FRMD6: variants seen among roughly 807,000 people sequenced by gnomAD.
FRMD6 encodes FERM domain-containing protein 6.
Under a neutral mutation model 73.2 loss-of-function variants are expected in FRMD6, and 37 were observed. That is an observed-to-expected ratio of 0.51 (90% CI 0.39 to 0.66). The LOEUF is 0.66. Among genes scored for constraint, FRMD6 ranks in the 30% least tolerant of loss-of-function variants. FRMD6 has a pLI of 0.00. For synonymous variants in FRMD6, 273 were observed against 282.2 expected, an observed-to-expected ratio of 0.97 and a Z score of 0.33; for missense variants, 714 against 780.5, an observed-to-expected ratio of 0.91 and a Z score of 1.02.
chr14:51,647,074 C>G (rs1362798497), upstream of FRMD6, among the ~76,000 whole-genome samples: 1 of 152,022 alleles, frequency 6.6e-6, no homozygotes, highest in Non-Finnish European at 1.5e-5. Flanking sequence ...AGAATGGAAA[C>G]AAAGTAGTTC....
chr14:51,673,784 T>C (rs1488536046), intron 1 of FRMD6, among the ~76,000 whole-genome samples: 1 of 152,224 alleles, frequency 6.6e-6, no homozygotes, highest in South Asian at 2.1e-4. Flanking sequence ...TTTATACTCA[T>C]TCTGAGAAAT....
At chr14:51,532,088 G>A (rs373906025) in intron 1 of FRMD6, among the ~76,000 whole-genome samples, 12 of 152,254 alleles carry the variant, frequency 7.9e-5, no homozygotes, top group African/African-American at 2.9e-4. Context: ...AATTATTGGG[G>A]CCAGGCGTGG....
intron 2 of FRMD6, among the ~76,000 whole-genome samples, chr14:51,578,568 T>A (rs1178849822): frequency 2.0e-5 from 3 of 152,168 alleles, no homozygotes; most frequent in African/African-American, 7.2e-5. Flanking sequence ...CTGAAAACAC[T>A]TGAGTATTGA....
At position 51,729,576 on chromosome 14, in the gene FRMD6, A is replaced by G. The variant is rs1019002748; in HGVS notation, c.*1547A>G. The G allele has an allele frequency of 1.3e-5, 2 of 152,492 alleles. No individual in the cohort carries two copies. The highest frequency in any genetic ancestry group is 1.3e-4 in the Admixed American group (2 of 15,276). 9.4% of individuals were successfully genotyped at this position (152,492 alleles called of 1,614,324 possible). A position where few individuals can be genotyped will look rare whatever the true frequency, so the allele number is the denominator to read the frequency against. ...ATATTTTGATATACCATTTTTTTCT[A>G]TCTGCCCAGTTTTATTAAAAAAACT... On this transcript the variant is annotated 3_prime_UTR_variant, in exon 14 of 14. Coordinates refer to ENST00000344768, the MANE Select transcript of FRMD6 (RefSeq NM_001267046.2).
At chr14:51,698,313 G>T (rs1300335818) in intron 3 of FRMD6, 81 bp downstream of exon 3, 4 of 879,694 alleles carry the variant, frequency 4.5e-6, no homozygotes, top group African/African-American at 1.7e-5. Context: ...CTTAAATTGG[G>T]CCTATTGTTA....
intron 1 of FRMD6, among the ~76,000 whole-genome samples, chr14:51,687,894 C>G (rs1895279006): frequency 1.3e-5 from 2 of 152,230 alleles, no homozygotes; most frequent in East Asian, 3.9e-4. Context: ...TTATATTCAA[C>G]CCTCTGCTCA....
At chr14:51,711,504 A>AT (rs780290400) in intron 7 of FRMD6, 27 bp from the exon 8 acceptor site, 22 of 1,483,548 alleles carry the variant, frequency 1.5e-5, no homozygotes, top group African/African-American at 1.1e-4. Flanking sequence ...AAAACATTTA[A>AT]TTTTTTATAA....
At chr14:51,708,057 A>G in intron 6 of FRMD6, 21 bp from the exon 7 acceptor site, 1 of 1,611,624 alleles carries the variant, frequency 6.2e-7, no homozygotes, top group South Asian at 1.1e-5. Context: ...GTTGCATTGC[A>G]CACCCCTTGT....
At chr14:51,668,514 C>T (rs1388759970) in intron 1 of FRMD6, among the ~76,000 whole-genome samples, 1 of 151,920 alleles carries the variant, frequency 6.6e-6, no homozygotes, top group Non-Finnish European at 1.5e-5. Context: ...TCATGATGGC[C>T]GGGCTGGTCT....
intron 11 of FRMD6, among the ~76,000 whole-genome samples, chr14:51,721,233 G>A (rs1897543646): frequency 6.6e-6 from 1 of 152,144 alleles, no homozygotes; most frequent in Non-Finnish European, 1.5e-5. Context: ...CAGCAAGGTG[G>A]TATAGTTTTT....
intron 2 of FRMD6, among the ~76,000 whole-genome samples, chr14:51,694,792 T>G (rs567314658): frequency 3.1e-4 from 47 of 152,318 alleles, no homozygotes; most frequent in African/African-American, 1.1e-3. Context: ...TTCCCATTGC[T>G]CCTGAAGATT....
intron 1 of FRMD6, among the ~76,000 whole-genome samples, chr14:51,529,476 G>C (rs2140325414): frequency 6.6e-6 from 1 of 152,298 alleles, no homozygotes; most frequent in African/African-American, 2.4e-5. Context: ...TACACAGAGA[G>C]AGAGAGAGCG....
chr14:51,728,831 G>A lies in FRMD6; in HGVS notation c.*802G>A, dbSNP rs1253811680. On this transcript the variant is annotated 3_prime_UTR_variant, in exon 14 of 14. Transcript: ENST00000344768. ...TTTGGAAAATGTCTTAGAAAACGTT[G>A]GTGCTTGGTGATGCTTTATTTGTTT... The A allele has an allele frequency of 6.6e-6, 1 of 152,384 alleles. No homozygotes were observed. Among genetic ancestry groups the A allele is most frequent in the Admixed American group, 6.6e-5 (1 of 15,250 alleles). 9.4% of individuals were successfully genotyped at this position (152,384 alleles called of 1,614,324 possible). A position where few individuals can be genotyped will look rare whatever the true frequency, so the allele number is the denominator to read the frequency against.
intron 2 of FRMD6, among the ~76,000 whole-genome samples, chr14:51,636,491 G>A (rs529177030): frequency 6.6e-6 from 1 of 152,286 alleles, no homozygotes; most frequent in East Asian, 1.9e-4. Flanking sequence ...GGCAGCTGGA[G>A]GAAAGGAGCC....
chr14:51,494,584 C>T (rs1203603846), intron 1 of FRMD6, among the ~76,000 whole-genome samples: 1 of 152,236 alleles, frequency 6.6e-6, no homozygotes, highest in African/African-American at 2.4e-5. Context: ...CCACAGCTGT[C>T]ATGGTTCGGA....
intron 2 of FRMD6, among the ~76,000 whole-genome samples, chr14:51,574,317 C>T (rs551115504): frequency 6.6e-6 from 1 of 152,172 alleles, no homozygotes; most frequent in Non-Finnish European, 1.5e-5. Flanking sequence ...TAGATCAGGG[C>T]ACATGCAAAA....
At chr14:51,575,254 G>A (rs1888339906) in intron 2 of FRMD6, among the ~76,000 whole-genome samples, 2 of 152,168 alleles carry the variant, frequency 1.3e-5, no homozygotes, top group Admixed American at 1.3e-4. Context: ...AGATCCAGAG[G>A]CAGTCTGAAT....
intron 1 of FRMD6, among the ~76,000 whole-genome samples, chr14:51,550,180 C>T (rs556785588): frequency 2.6e-5 from 4 of 152,188 alleles, no homozygotes; most frequent in East Asian, 3.9e-4. Context: ...CAATCTGTGT[C>T]CTCTTTTCTC....
At chr14:51,702,358 G>A (rs557175722) in intron 4 of FRMD6, among the ~76,000 whole-genome samples, 154 bp from the exon 5 acceptor site, 1 of 152,094 alleles carries the variant, frequency 6.6e-6, no homozygotes, top group Admixed American at 6.6e-5. Context: ...TAGGACAACT[G>A]TCTACCTACT....
Sources: allele counts gnomAD v4.1 joint callset (sites outside exome capture counted in the v4.1 genomes callset), GRCh38; gene constraint gnomAD v4.1.1; transcripts MANE v1.5; gene names NCBI Gene and HGNC (gene_info 2026-07-23, HGNC 2026-07-21).